PTGES3L: variants seen among roughly 807,000 people sequenced by gnomAD.
PTGES3L encodes the protein putative protein PTGES3L.
Under a neutral mutation model 25.0 loss-of-function variants are expected in PTGES3L, and 17 were observed. The observed-to-expected ratio is 0.68, with a 90% CI of 0.47 to 1.02. PTGES3L has a LOEUF of 1.02. PTGES3L is among the 50% of genes least tolerant of loss of function. PTGES3L has a pLI of 0.00. For synonymous variants in PTGES3L, 59 were observed against 65.7 expected, an observed-to-expected ratio of 0.90 and a Z score of 0.50; for missense variants, 202 against 197.5, an observed-to-expected ratio of 1.02 and a Z score of -0.14.
At chr17:42,980,010 A>C (rs748975247) in intron 1 of PTGES3L, 36 bp downstream of exon 1, 1 of 1,531,538 alleles carries the variant, frequency 6.5e-7, no homozygotes, top group South Asian at 1.2e-5. Flanking sequence ...TCCAGGGAAA[A>C]GGGCCAGGGG....
chr17:42,969,681 C>T (rs918052466), intron 6 of PTGES3L, among the ~76,000 whole-genome samples: 9 of 151,614 alleles, frequency 5.9e-5, no homozygotes, highest in African/African-American at 1.5e-4. Context: ...GGATTACAGG[C>T]GTGAGCCACC....
intron 4 of PTGES3L, among the ~76,000 whole-genome samples, chr17:42,972,785 C>A (rs887121135): frequency 1.3e-4 from 19 of 147,896 alleles, no homozygotes; most frequent in Non-Finnish European, 2.6e-4. Context: ...GGCCGCCCAT[C>A]GTCTGGGATG....
chr17:42,971,737 G>GGT, intron 4 of PTGES3L, 41 bp from the exon 5 acceptor site: 1 of 1,609,572 alleles, frequency 6.2e-7, no homozygotes, highest in Non-Finnish European at 8.5e-7. Flanking sequence ...CAGGAGGGCA[G>GGT]GAGCAGGAGT....
chr17:42,970,355 A>G lies in PTGES3L; in HGVS notation c.379-13T>C. 1.2e-6 allele frequency: 2 copies of G among 1,613,744 alleles called. No individual in the cohort carries two copies. The highest frequency in any genetic ancestry group is 1.7e-6 in the Non-Finnish European group (2 of 1,179,708). On this transcript the variant is annotated splice_polypyrimidine_tract_variant and intron_variant, in intron 5 of 6. Coordinates refer to ENST00000591916, the MANE Select transcript of PTGES3L (RefSeq NM_001261430.2). ...CCTTCTTCAAAAGCTAGTGGGAAGAAAAAATAATCACAAGGGAGAAGGGAG... is the reference window on the plus strand; with the variant it reads ...CCTTCTTCAAAAGCTAGTGGGAAGAGAAAATAATCACAAGGGAGAAGGGAG...
At chr17:42,974,785 A>G (rs1192086680) in intron 4 of PTGES3L, among the ~76,000 whole-genome samples, 2 of 151,768 alleles carry the variant, frequency 1.3e-5, no homozygotes, top group Non-Finnish European at 2.9e-5. Context: ...AAAAAAAAAA[A>G]AAAAAATTTA....
Position 42,969,062 on chromosome 17 carries a change from A to C in PTGES3L, c.*86T>G. 1.0e-6 allele frequency: 1 copy of C among 998,776 alleles called. No individual in the cohort carries two copies. Among genetic ancestry groups the C allele is most frequent in the Non-Finnish European group, 1.5e-6 (1 of 651,028 alleles). The allele number at this position is 998,776 out of a possible 1,614,324, so 61.9% of individuals were successfully genotyped here. Reference sequence around the variant, plus strand: ...CTCAGAAGAACTTGGTGCACAGCCAAAGCGCTGACAAAGGCCTAGGCGCTA... The same window carrying C: ...CTCAGAAGAACTTGGTGCACAGCCACAGCGCTGACAAAGGCCTAGGCGCTA... On this transcript the variant is annotated 3_prime_UTR_variant, in exon 7 of 7. Transcript: ENST00000591916.
At chr17:42,969,401 CTTTTTTTTTT>C (rs67136149) in intron 6 of PTGES3L, among the ~76,000 whole-genome samples, 1 of 73,014 alleles carries the variant, frequency 1.4e-5, no homozygotes, top group East Asian at 4.1e-4. Context: ...AGTTTCAGGA[CTTTTTTTTTT>C]TTTTTTTTTT....
intron 4 of PTGES3L, among the ~76,000 whole-genome samples, chr17:42,975,988 A>AT (rs2049947191): frequency 6.8e-6 from 1 of 147,356 alleles, no homozygotes; most frequent in Non-Finnish European, 1.5e-5. Context: ...CGTTTTATTT[A>AT]TTTATTTTTT....
intron 6 of PTGES3L, 138 bp downstream of exon 6, chr17:42,970,151 C>A: frequency 1.0e-6 from 1 of 997,342 alleles, no homozygotes; most frequent in Non-Finnish European, 1.5e-6. Context: ...AGAATATTAG[C>A]CCTCTTGGGT....
chr17:42,969,185 T>C lies in PTGES3L; in HGVS notation c.434A>G (p.Asp145Gly), dbSNP rs564812850. The C allele has an allele frequency of 2.8e-4, 274 of 991,620 alleles. 4 individuals carry two copies. In the Admixed American group the frequency reaches 3.7e-3, roughly 13 times the overall value. The allele number at this position is 991,620 out of a possible 1,614,324, so 61.4% of individuals were successfully genotyped here. The change falls in exon 7 of 7, where the codon GAT becomes GGT. Residue 145 changes from aspartate (D) to glycine (G), a missense_variant and splice_region_variant. By Grantham distance (94) the Asp-to-Gly change is moderately conservative. Coordinates refer to ENST00000591916, the MANE Select transcript of PTGES3L (RefSeq NM_001261430.2). ...TGCATCATCAGCACTGTCAGAATCA[T>C]CCTGGGGGCGGGGGGGAAAAAAGAC... ...RPPPAMDDLD[D>G]DSDSADDATS...
chr17:42,969,867 C>G (rs1250783975), intron 6 of PTGES3L, among the ~76,000 whole-genome samples: 2 of 151,736 alleles, frequency 1.3e-5, no homozygotes, highest in African/African-American at 2.4e-5. Flanking sequence ...TGGCTCACGC[C>G]TGTAATCCCA....
At chr17:42,973,131 AC>A (rs1444317494) in intron 4 of PTGES3L, among the ~76,000 whole-genome samples, 3 of 134,676 alleles carry the variant, frequency 2.2e-5, no homozygotes, top group Non-Finnish European at 4.7e-5. Context: ...CCCGGCAGCC[AC>A]CCCATCTGGG....
At chr17:42,979,736 C>T in intron 1 of PTGES3L, 73 bp from the exon 2 acceptor site, 1 of 1,554,422 alleles carries the variant, frequency 6.4e-7, no homozygotes, top group South Asian at 1.2e-5. Context: ...AAGGGACTAC[C>T]CAGGGACCTT....
chr17:42,975,133 C>G (rs764007279), intron 4 of PTGES3L, among the ~76,000 whole-genome samples: 1 of 43,936 alleles, frequency 2.3e-5, no homozygotes, highest in Non-Finnish European at 4.1e-5. Context: ...GACATCCTGT[C>G]TCAAAAAAAA....
Position 42,969,200 on chromosome 17 carries a change from G to GAA in PTGES3L, c.433-15_433-14insTT, listed in dbSNP as rs71228778. On this transcript the variant is annotated splice_polypyrimidine_tract_variant and intron_variant, in intron 6 of 6. Transcript: ENST00000591916. The stretch of plus-strand genomic sequence containing the variant: ...GTCAGAATCATCCTGGGGGCGGGGG[G>GAA]GAAAAAAGACAAAGCACCTGTAGAC... 5 of 1,391,144 alleles carry GAA rather than the reference G, an allele frequency of 3.6e-6. No homozygotes were observed. Among genetic ancestry groups the GAA allele is most frequent in the Admixed American group, 2.1e-5 (1 of 48,680 alleles). The allele number at this position is 1,391,144 out of a possible 1,614,324, so 86.2% of individuals were successfully genotyped here.
intron 6 of PTGES3L, among the ~76,000 whole-genome samples, chr17:42,969,401 CTTTTTTT>C (rs67136149): frequency 4.1e-5 from 3 of 73,010 alleles, no homozygotes; most frequent in Non-Finnish European, 2.6e-5. Flanking sequence ...AGTTTCAGGA[CTTTTTTT>C]TTTTTTTTTT....
chr17:42,969,201 GA>G lies in PTGES3L; in HGVS notation c.433-16del, dbSNP rs372902883. 1.5e-3 allele frequency: 2,066 copies of G among 1,364,252 alleles called. 56 individuals are homozygous for G. The African/African-American group carries it at 0.031, about 21-fold the overall frequency. The allele number at this position is 1,364,252 out of a possible 1,614,324, so 84.5% of individuals were successfully genotyped here. On this transcript the variant is annotated splice_polypyrimidine_tract_variant and intron_variant, in intron 6 of 6. Transcript: ENST00000591916. ...TCAGAATCATCCTGGGGGCGGGGGGGAAAAAAGACAAAGCACCTGTAGACCC... is the reference window on the plus strand; with the variant it reads ...TCAGAATCATCCTGGGGGCGGGGGGGAAAAAGACAAAGCACCTGTAGACCC...
At chr17:42,973,689 C>T (rs1384336591) in intron 4 of PTGES3L, among the ~76,000 whole-genome samples, 1 of 148,674 alleles carries the variant, frequency 6.7e-6, no homozygotes, top group Admixed American at 6.8e-5. Flanking sequence ...GATCTGTGAC[C>T]TTACCCCCAA....
intron 5 of PTGES3L, among the ~76,000 whole-genome samples, chr17:42,970,676 GCACACACACACACACACACA>G (rs57542042): frequency 2.8e-5 from 4 of 144,092 alleles, no homozygotes; most frequent in Admixed American, 7.0e-5. Flanking sequence ...CTTAACACGC[GCACACACACACACACACACA>G]CACACACACA....
Sources: gnomAD v4.1 joint callset for allele counts (sites outside exome capture counted in the v4.1 genomes callset) on GRCh38, gnomAD v4.1.1 for gene constraint, MANE v1.5 for transcripts, NCBI Gene and HGNC (gene_info 2026-07-23, HGNC 2026-07-21) for gene names.